CCSAP: variants seen among roughly 807,000 people sequenced by gnomAD.
CCSAP encodes the protein centriole, cilia and spindle-associated protein.
In CCSAP, 17 loss-of-function variants were observed where a neutral mutation model predicts 25.9. The ratio of observed to expected loss-of-function variants is 0.66; its 90% CI spans 0.45 to 0.99. The LOEUF (loss-of-function observed/expected upper bound fraction) is 0.99. Among genes scored for constraint, CCSAP ranks in the 50% least tolerant of loss-of-function variants. The pLI, the probability that CCSAP is intolerant of heterozygous loss-of-function variation, is 0.00. For missense variants in CCSAP, 339 were observed against 367.8 expected, an observed-to-expected ratio of 0.92 and a Z score of 0.64; for synonymous variants, 169 against 157.1, an observed-to-expected ratio of 1.08 and a Z score of -0.57.
At position 229,325,223 on chromosome 1, in the gene CCSAP, G is replaced by A. The variant is rs780293534; in HGVS notation, c.*12C>T. ...ACACTTTTTAAAAGAGGCTGTCCAC[G>A]CAAGTGTTTCTTTAAGCTCTTGCCG... is the stretch of plus-strand genomic sequence containing the variant. On this transcript the variant is annotated 3_prime_UTR_variant, in exon 4 of 4. Coordinates refer to ENST00000284617, the MANE Select transcript of CCSAP (RefSeq NM_145257.5). 4.2e-5 allele frequency: 66 copies of A among 1,580,348 alleles called. No homozygotes were observed. The highest frequency in any genetic ancestry group is 5.3e-5 in the Non-Finnish European group (62 of 1,168,032).
intron 2 of CCSAP, among the ~76,000 whole-genome samples, chr1:229,337,810 T>G (rs1369019900): frequency 6.7e-6 from 1 of 149,212 alleles, no homozygotes; most frequent in Non-Finnish European, 1.5e-5. Context: ...GCAAGTTTCA[T>G]AGTACTATCA....
intron 2 of CCSAP, among the ~76,000 whole-genome samples, chr1:229,337,670 C>CAAAAAAAAAAAA (rs539736168): frequency 4.5e-4 from 25 of 56,016 alleles, no homozygotes; most frequent in African/African-American, 1.3e-3. Flanking sequence ...ATCAAAGGCT[C>CAAAAAAAAAAAA]AAAAAAAAAT....
At chr1:229,337,234 T>C (rs746009826) in intron 2 of CCSAP, among the ~76,000 whole-genome samples, 1 of 151,552 alleles carries the variant, frequency 6.6e-6, no homozygotes, top group Non-Finnish European at 1.5e-5. Context: ...TAAAAAGATA[T>C]AAAGAATCTC....
In CCSAP at chr1:229,324,001, T is replaced by C. The variant is rs1657884269; in HGVS notation, c.*1234A>G. On this transcript the variant is annotated 3_prime_UTR_variant, in exon 4 of 4. Coordinates refer to ENST00000284617, the MANE Select transcript of CCSAP (RefSeq NM_145257.5). The stretch of plus-strand genomic sequence containing the variant: ...ACATCATTCATTTGATGGAAACCAG[T>C]GTTTGTTAAAACCATTTTTCTACCC... 1 of 152,618 alleles carries C rather than the reference T, an allele frequency of 6.6e-6. No homozygotes were observed. The highest frequency in any genetic ancestry group is 2.1e-4 in the South Asian group (1 of 4,836). 9.5% of individuals were successfully genotyped at this position (152,618 alleles called of 1,614,324 possible).
chr1:229,339,493 G>C (rs1211123962), intron 2 of CCSAP, among the ~76,000 whole-genome samples: 1 of 152,104 alleles, frequency 6.6e-6, no homozygotes, highest in African/African-American at 2.4e-5. Flanking sequence ...CCTTTCTTGG[G>C]AATCTACTAG....
chr1:229,336,138 T>G (rs144444398), intron 2 of CCSAP, among the ~76,000 whole-genome samples: 1 of 147,824 alleles, frequency 6.8e-6, no homozygotes, highest in East Asian at 2.0e-4. Context: ...TGGGGGTATC[T>G]CGGATGCAAT....
In CCSAP at chr1:229,322,306, C is replaced by T. The variant is rs1449167197; in HGVS notation, c.*2929G>A. On this transcript the variant is annotated 3_prime_UTR_variant, in exon 4 of 4. Transcript: ENST00000284617. ...GCTCTCGTTCTTACAATTTAGTCAGCTGAGTTCAAGTGACCCAAGTATAAA... is the reference window on the plus strand; with the variant it reads ...GCTCTCGTTCTTACAATTTAGTCAGTTGAGTTCAAGTGACCCAAGTATAAA... 6.6e-6 allele frequency: 1 copy of T among 152,172 alleles called. No individual in the cohort carries two copies. Among genetic ancestry groups the T allele is most frequent in the Non-Finnish European group, 1.5e-5 (1 of 68,038 alleles). 9.4% of individuals were successfully genotyped at this position (152,172 alleles called of 1,614,324 possible).
rs1657901536 is a variant in CCSAP, at chr1:229,324,744, T to C, written c.*491A>G. On this transcript the variant is annotated 3_prime_UTR_variant, in exon 4 of 4. Transcript: ENST00000284617. The stretch of plus-strand genomic sequence containing the variant: ...ATGGAATCAGTAGTAGTGCTGACAC[T>C]CATTTTTGACTTGATATTCTTTCAC... 1 of 152,754 alleles carries C rather than the reference T, an allele frequency of 6.5e-6. No homozygotes were observed. The highest frequency in any genetic ancestry group is 1.5e-5 in the Non-Finnish European group (1 of 68,348). 9.5% of individuals were successfully genotyped at this position (152,754 alleles called of 1,614,324 possible).
chr1:229,339,795 T>G (rs1658286950), intron 2 of CCSAP, among the ~76,000 whole-genome samples: 3 of 152,138 alleles, frequency 2.0e-5, no homozygotes, highest in African/African-American at 7.2e-5. Context: ...TGGGTCAGCT[T>G]TGAGTAACTT....
chr1:229,325,436 T>C (rs1270102735), intron 3 of CCSAP, 25 bp from the exon 4 acceptor site: 3 of 1,602,694 alleles, frequency 1.9e-6, no homozygotes, highest in East Asian at 2.2e-5. Flanking sequence ...AAATAAAGGA[T>C]AGTAACTTAA....
chr1:229,339,852 C>T (rs1488141103), intron 2 of CCSAP, among the ~76,000 whole-genome samples: 1 of 152,046 alleles, frequency 6.6e-6, no homozygotes, highest in Non-Finnish European at 1.5e-5. Flanking sequence ...ATCCAACAAA[C>T]TCTATGAGGA....
rs1196411678 is a variant in CCSAP, at chr1:229,321,024, T to C, written c.*4211A>G. ...AAAGAGTCTCAGCTTGTAATGTTAA[T>C]TAACTTTATTCACATTTTTCCAAGT... On this transcript the variant is annotated 3_prime_UTR_variant, in exon 4 of 4. Transcript: ENST00000284617. 1 of 152,240 alleles carries C rather than the reference T, an allele frequency of 6.6e-6. No homozygotes were observed. The highest frequency in any genetic ancestry group is 1.5e-5 in the Non-Finnish European group (1 of 68,040). 9.4% of individuals were successfully genotyped at this position (152,240 alleles called of 1,614,324 possible).
In CCSAP at chr1:229,342,603, C is replaced by G. The variant is rs998994879; in HGVS notation, c.-48-90G>C. On this transcript the variant is annotated intron_variant, in intron 1 of 3. Coordinates refer to ENST00000284617, the MANE Select transcript of CCSAP (RefSeq NM_145257.5). This position sits in a 1 kb window ranked among gnomAD's most constrained non-coding sequence, Gnocchi z 7.5. ...GTTTAAACCCGGAGCCCCGCCCGGA[C>G]GGGAGCAGGGGGCGGGTCCCGGCGA... 3 of 531,142 alleles carry G rather than the reference C, an allele frequency of 5.6e-6. No individual in the cohort carries two copies. Among genetic ancestry groups the G allele is most frequent in the Non-Finnish European group, 8.5e-6 (3 of 351,326 alleles). The allele number at this position is 531,142 out of a possible 1,614,324, so 32.9% of individuals were successfully genotyped here. A position where few individuals can be genotyped will look rare whatever the true frequency, so the allele number is the denominator to read the frequency against.
intron 2 of CCSAP, among the ~76,000 whole-genome samples, chr1:229,339,561 C>T (rs1214138271): frequency 3.3e-5 from 5 of 151,916 alleles, no homozygotes; most frequent in Non-Finnish European, 1.5e-5. Context: ...GAAAGGCACA[C>T]GACAGAGACT....
Position 229,325,153 on chromosome 1 carries a change from C to T in CCSAP, c.*82G>A, listed in dbSNP as rs1657910767. 7 of 1,358,356 alleles carry T rather than the reference C, an allele frequency of 5.2e-6. No individual in the cohort carries two copies. The highest frequency in any genetic ancestry group is 5.0e-5 in the Admixed American group (2 of 39,704). 84.1% of individuals were successfully genotyped at this position (1,358,356 alleles called of 1,614,324 possible). On this transcript the variant is annotated 3_prime_UTR_variant, in exon 4 of 4. Transcript: ENST00000284617. ...TCAGTTGGTTTCTTAAACCTGTGTC[C>T]GTTTCTTTTGATGGTTTTTGTTTTG...
chr1:229,342,140 C>G lies in CCSAP; in HGVS notation c.326G>C (p.Gly109Ala). Residue 109 changes from glycine to alanine, a missense_variant, in exon 2 of 4, where the codon GGG (glycine) becomes GCG (alanine). Coordinates refer to ENST00000284617, the MANE Select transcript of CCSAP (RefSeq NM_145257.5). This position sits in a 1 kb window ranked among gnomAD's most constrained non-coding sequence, Gnocchi z 7.5. ...CTCCGCGTCCTCGGCCTCCGCGTCCCCGGCCTCCGCGTCCTGCTCCTCCGG... is the reference window on the plus strand; with the variant it reads ...CTCCGCGTCCTCGGCCTCCGCGTCCGCGGCCTCCGCGTCCTGCTCCTCCGG... The part of the protein sequence containing the change: ...GAPEEQDAEA[G>A]DAEAEDAEDA... 1 of 1,331,866 alleles carries G rather than the reference C, an allele frequency of 7.5e-7. No homozygotes were observed. The highest frequency in any genetic ancestry group is 9.6e-7 in the Non-Finnish European group (1 of 1,040,150). 82.5% of individuals were successfully genotyped at this position (1,331,866 alleles called of 1,614,324 possible).
At chr1:229,334,733 T>C (rs1177133503) in intron 2 of CCSAP, among the ~76,000 whole-genome samples, 4 of 151,976 alleles carry the variant, frequency 2.6e-5, no homozygotes, top group Non-Finnish European at 1.5e-5. Context: ...TAAAAAAATA[T>C]AGCAAATTGG....
intron 2 of CCSAP, among the ~76,000 whole-genome samples, chr1:229,337,615 C>CA (rs1361031286): frequency 6.9e-6 from 1 of 145,350 alleles, no homozygotes; most frequent in African/African-American, 2.6e-5. Flanking sequence ...CCCAGTTCAG[C>CA]AGCTGTGCCA....
chr1:229,339,255 C>G (rs557146792), intron 2 of CCSAP, among the ~76,000 whole-genome samples: 3 of 151,924 alleles, frequency 2.0e-5, no homozygotes, highest in Non-Finnish European at 4.4e-5. Flanking sequence ...AAGAGAAGAC[C>G]GTGAAAGCTT....
Sources: gnomAD v4.1 joint callset for allele counts (sites outside exome capture counted in the v4.1 genomes callset) on GRCh38, gnomAD v4.1.1 for gene constraint, Gnocchi (gnomAD v3.1) non-coding constraint, MANE v1.5 for transcripts, NCBI Gene and HGNC (gene_info 2026-07-23, HGNC 2026-07-21) for gene names.